Variants in NAA60 observed in about 807,000 individuals in gnomAD.
NAA60 encodes N-alpha-acetyltransferase 60.
A neutral mutation model predicts 26.1 loss-of-function variants in NAA60; 8 were observed. The observed-to-expected ratio is 0.31, with a 90% CI of 0.18 to 0.55. NAA60 has a LOEUF of 0.55. Ranked by LOEUF, NAA60 falls within the 20% of genes least tolerant of loss-of-function variation. NAA60 has a pLI of 0.93. For missense variants in NAA60, 290 were observed against 311.3 expected (o/e 0.93, Z 0.51); for synonymous variants, 131 against 122.5 (o/e 1.07, Z -0.46).
At chr16:3,477,296 A>G (rs764228379) in intron 3 of NAA60, among the ~76,000 whole-genome samples, 5 of 152,242 alleles carry the variant, frequency 3.3e-5, no homozygotes, top group African/African-American at 4.8e-5. Context: ...ATGCACATAC[A>G]GCTTTTTTGA....
chr16:3,473,697 G>A (rs1035638534), intron 2 of NAA60, among the ~76,000 whole-genome samples: 1 of 147,976 alleles, frequency 6.8e-6, no homozygotes, highest in African/African-American at 2.6e-5. Context: ...ACCATGCTTG[G>A]CCCCAGCTTT....
intron 1 of NAA60, among the ~76,000 whole-genome samples, chr16:3,446,730 C>G (rs2034571882): frequency 6.6e-6 from 1 of 151,726 alleles, no homozygotes; most frequent in African/African-American, 2.4e-5. Context: ...TGTGCCTCAG[C>G]TACCAGAGTA....
At chr16:3,470,512 C>G (rs1415939979) in intron 2 of NAA60, among the ~76,000 whole-genome samples, 2 of 152,238 alleles carry the variant, frequency 1.3e-5, no homozygotes, top group Non-Finnish European at 2.9e-5. Context: ...CCAACCAGCT[C>G]CACGTCCTTC....
At chr16:3,455,952 G>T (rs1485010026) in intron 2 of NAA60, among the ~76,000 whole-genome samples, 4 of 151,868 alleles carry the variant, frequency 2.6e-5, no homozygotes, top group African/African-American at 9.7e-5. Context: ...TGGTTCACCC[G>T]ACTTGACCTC....
Position 3,443,826 on chromosome 16 carries a change from C to A in NAA60, c.-88C>A. 1 of 1,534,430 alleles carries A rather than the reference C, an allele frequency of 6.5e-7. No homozygotes were observed. Among genetic ancestry groups the A allele is most frequent in the Non-Finnish European group, 8.7e-7 (1 of 1,146,284 alleles). ...GAGACACCGGAACTCGAAAGAAAAT[C>A]GGTAACAAAATGTGGGTTCGGCCAA... On this transcript the variant is annotated 5_prime_UTR_variant, in exon 1 of 8. Coordinates refer to ENST00000407558, the MANE Select transcript of NAA60 (RefSeq NM_001083601.3).
chr16:3,459,993 G>A (rs1327796287), intron 2 of NAA60, among the ~76,000 whole-genome samples: 2 of 152,226 alleles, frequency 1.3e-5, no homozygotes, highest in African/African-American at 4.8e-5. Flanking sequence ...AGGAGGGATT[G>A]TGCCCTGTTC....
rs1596370140 is a variant in NAA60, at chr16:3,485,881, C to T, written c.*621C>T. ...GCAAGCACAGAGCTCTGAGGCTCAG[C>T]CCCCTGGCACAGGCGGTCACGCATC... On this transcript the variant is annotated 3_prime_UTR_variant, in exon 8 of 8. Coordinates refer to ENST00000407558, the MANE Select transcript of NAA60 (RefSeq NM_001083601.3). 3 of 354,438 alleles carry T rather than the reference C, an allele frequency of 8.5e-6. No homozygotes were observed. Among genetic ancestry groups the T allele is most frequent in the African/African-American group, 6.5e-5 (3 of 46,324 alleles). The allele number at this position is 354,438 out of a possible 1,614,324, so 22.0% of individuals were successfully genotyped here.
chr16:3,470,165 T>G (rs571004766), intron 2 of NAA60, among the ~76,000 whole-genome samples: 1 of 152,084 alleles, frequency 6.6e-6, no homozygotes, highest in East Asian at 1.9e-4. Flanking sequence ...ACACAGTTGG[T>G]TTTGCATCAG....
chr16:3,444,248 G>T (rs1453742047), intron 1 of NAA60, among the ~76,000 whole-genome samples: 1 of 152,066 alleles, frequency 6.6e-6, no homozygotes, highest in African/African-American at 2.4e-5. Flanking sequence ...GGAGTGCCCT[G>T]GTGTAGGCAT....
chr16:3,450,451 A>G (rs918910814), intron 2 of NAA60, among the ~76,000 whole-genome samples: 1 of 152,226 alleles, frequency 6.6e-6, no homozygotes, highest in African/African-American at 2.4e-5. Context: ...CTGTAATCCC[A>G]GCACTTTGGG....
At chr16:3,444,656 CAGA>C (rs1467792522) in intron 1 of NAA60, among the ~76,000 whole-genome samples, 1 of 152,138 alleles carries the variant, frequency 6.6e-6, no homozygotes, top group East Asian at 1.9e-4. Flanking sequence ...CTACAAGTAA[CAGA>C]AAACCCACCG....
intron 2 of NAA60, among the ~76,000 whole-genome samples, chr16:3,456,533 T>C (rs1201097006): frequency 6.6e-6 from 1 of 152,182 alleles, no homozygotes; most frequent in Non-Finnish European, 1.5e-5. Context: ...GTTAACAATT[T>C]AGCAATATTC....
chr16:3,475,325 G>C (rs2036410983), intron 2 of NAA60, among the ~76,000 whole-genome samples: 1 of 152,060 alleles, frequency 6.6e-6, no homozygotes, highest in Non-Finnish European at 1.5e-5. Context: ...CCTGACCTCA[G>C]GCAGTCCACC....
At chr16:3,446,028 A>G (rs1361651196) in intron 1 of NAA60, among the ~76,000 whole-genome samples, 1 of 152,342 alleles carries the variant, frequency 6.6e-6, no homozygotes, top group South Asian at 2.1e-4. Flanking sequence ...TTCAAGTAAC[A>G]TGTTTTAATC....
intron 2 of NAA60, among the ~76,000 whole-genome samples, chr16:3,456,063 A>G: frequency 6.6e-6 from 1 of 152,182 alleles, no homozygotes; most frequent in East Asian, 1.9e-4. Context: ...AGTTCATCTT[A>G]ACGGTGCTGT....
chr16:3,455,484 T>A (rs1252707588), intron 2 of NAA60, among the ~76,000 whole-genome samples: 2 of 139,088 alleles, frequency 1.4e-5, no homozygotes, highest in African/African-American at 5.4e-5. Context: ...AAGCTCCACC[T>A]CCTGGGTTCA....
chr16:3,483,665 A>C (rs2036986680), intron 6 of NAA60, 68 bp downstream of exon 6: 12 of 1,259,048 alleles, frequency 9.5e-6, no homozygotes, highest in Non-Finnish European at 1.3e-5. Flanking sequence ...CCAGTGAGCA[A>C]GTTGGAGCTG....
intron 2 of NAA60, among the ~76,000 whole-genome samples, chr16:3,449,691 T>C (rs1221853364): frequency 6.6e-6 from 1 of 151,876 alleles, no homozygotes; most frequent in Non-Finnish European, 1.5e-5. Context: ...TCTGATATGG[T>C]TTGGCTGTGT....
intron 2 of NAA60, among the ~76,000 whole-genome samples, chr16:3,467,171 C>T (rs770883679): frequency 6.6e-6 from 1 of 152,092 alleles, no homozygotes; most frequent in Non-Finnish European, 1.5e-5. Context: ...GCCTTCCCAG[C>T]GATCCTGAGG....
Sources: allele counts gnomAD v4.1 joint callset (sites outside exome capture counted in the v4.1 genomes callset), GRCh38; gene constraint gnomAD v4.1.1; transcripts MANE v1.5; gene names NCBI Gene and HGNC (gene_info 2026-07-23, HGNC 2026-07-21).